The following EPHA6 variants were observed in gnomAD, a reference collection of about 807,000 sequenced individuals.
EPHA6 encodes EPH receptor A6, also known as ephrin type-A receptor 6.
A neutral mutation model predicts 112.0 loss-of-function variants in EPHA6; 50 were observed. The observed-to-expected ratio is 0.45, with a 90% confidence interval of 0.36 to 0.56. The LOEUF (loss-of-function observed/expected upper bound fraction) is 0.56, where lower values mean the gene tolerates loss of function less well. Ranked by LOEUF, EPHA6 falls within the 20% of genes least tolerant of loss-of-function variation. The pLI, the probability that EPHA6 is intolerant of heterozygous loss-of-function variation, is 0.00. For missense variants in EPHA6, 1,280 were observed against 1,417.4 expected, an observed-to-expected ratio of 0.90 and a Z score of 1.56; for synonymous variants, 529 against 490.7, an observed-to-expected ratio of 1.08 and a Z score of -1.03.
chr3:97,345,715 T>C (rs1472866177), intron 5 of EPHA6, among the ~76,000 whole-genome samples: 1 of 152,150 alleles, frequency 6.6e-6, no homozygotes, highest in Non-Finnish European at 1.5e-5. Flanking sequence ...AACATGTATA[T>C]ATATATGTAA....
intron 1 of EPHA6, among the ~76,000 whole-genome samples, chr3:96,849,692 G>A (rs1462425976): frequency 1.3e-5 from 2 of 152,034 alleles, no homozygotes; most frequent in Non-Finnish European, 2.9e-5. Flanking sequence ...TAGGAACTTG[G>A]GCTTTAAGGC....
intron 3 of EPHA6, among the ~76,000 whole-genome samples, chr3:97,070,955 A>G (rs1394132467): frequency 6.6e-6 from 1 of 152,146 alleles, no homozygotes; most frequent in African/African-American, 2.4e-5. Context: ...TTTGCCATTT[A>G]TTCATAGAAT....
intron 3 of EPHA6, among the ~76,000 whole-genome samples, chr3:97,114,405 T>A (rs1159682255): frequency 6.6e-6 from 1 of 152,086 alleles, no homozygotes; most frequent in Non-Finnish European, 1.5e-5. Context: ...TTGGTTAAGT[T>A]ATACATTAGC....
At chr3:97,347,198 A>G (rs981887731) in intron 5 of EPHA6, among the ~76,000 whole-genome samples, 2 of 152,102 alleles carry the variant, frequency 1.3e-5, no homozygotes, top group Non-Finnish European at 2.9e-5. Context: ...TTGTTTCTCC[A>G]TCTTCAGATA....
intron 5 of EPHA6, among the ~76,000 whole-genome samples, chr3:97,278,017 G>A (rs567449489): frequency 4.6e-5 from 7 of 152,280 alleles, no homozygotes; most frequent in South Asian, 4.1e-4. Context: ...GCTGTCTATC[G>A]TTGACCGAAA....
At chr3:97,326,367 C>G (rs1475632184) in intron 5 of EPHA6, among the ~76,000 whole-genome samples, 3 of 151,320 alleles carry the variant, frequency 2.0e-5, no homozygotes, top group African/African-American at 7.3e-5. Flanking sequence ...AATCAGCTAC[C>G]CTTTATTCTT....
At chr3:97,724,308 T>C (rs114759356) in intron 15 of EPHA6, among the ~76,000 whole-genome samples, 39 of 152,236 alleles carry the variant, frequency 2.6e-4, no homozygotes, top group Non-Finnish European at 4.7e-4. Context: ...TCAGTGGTAT[T>C]ATACTTTAGG....
Position 97,234,848 on chromosome 3 carries a change from G to C in EPHA6, c.1270+8429G>C, listed in dbSNP as rs1047359018. 2.6e-4 allele frequency among the ~76,000 whole-genome samples: 39 copies of C among 152,082 alleles called. 1 individual carries two copies. The highest frequency in any genetic ancestry group is 7.0e-4 in the African/African-American group (29 of 41,500). The stretch of plus-strand genomic sequence containing the variant: ...CCATATCTCAGTCTTCTCTCCTGAG[G>C]TGCAAAGTCTTCTAGACAACTGATT... On this transcript the variant is annotated intron_variant, in intron 4 of 17. Coordinates refer to ENST00000389672, the MANE Select transcript of EPHA6 (RefSeq NM_001080448.3).
chr3:96,933,553 G>C (rs113586481), intron 2 of EPHA6, among the ~76,000 whole-genome samples: 1,534 of 152,218 alleles, frequency 0.01, 26 homozygotes, highest in African/African-American at 0.035. Flanking sequence ...TTCTACAAGT[G>C]AAATTAGTTA....
At chr3:97,512,722 AC>A (rs1037841395) in intron 10 of EPHA6, among the ~76,000 whole-genome samples, 2 of 151,808 alleles carry the variant, frequency 1.3e-5, no homozygotes, top group Non-Finnish European at 1.5e-5. Flanking sequence ...GCACCACCAC[AC>A]CCGGCTAATT....
chr3:97,427,052 G>A (rs917651771), intron 6 of EPHA6, among the ~76,000 whole-genome samples: 5 of 152,114 alleles, frequency 3.3e-5, no homozygotes, highest in East Asian at 1.9e-4. Flanking sequence ...AGATACTAGC[G>A]AGGTTGCAGA....
chr3:97,464,229 G>A (rs542064229), intron 7 of EPHA6, among the ~76,000 whole-genome samples: 32 of 152,150 alleles, frequency 2.1e-4, no homozygotes, highest in South Asian at 6.2e-4. Context: ...GGTCTCTGTC[G>A]GTAATCCAAT....
intron 10 of EPHA6, among the ~76,000 whole-genome samples, chr3:97,486,636 A>C (rs1400804124): frequency 4.6e-5 from 7 of 152,068 alleles, no homozygotes; most frequent in Admixed American, 4.6e-4. Context: ...TAATCCAGTC[A>C]TGAGGGCTGA....
chr3:97,324,128 TTTCCTATGATTGCTTC>T (rs1426315613), intron 5 of EPHA6, among the ~76,000 whole-genome samples: 1 of 152,048 alleles, frequency 6.6e-6, no homozygotes, highest in Non-Finnish European at 1.5e-5. Context: ...ACCCTTCACT[TTTCCTATGATTGCTTC>T]TTCCTTTTAT....
intron 4 of EPHA6, 143 bp from the exon 5 acceptor site, chr3:97,243,809 A>G: frequency 1.6e-6 from 1 of 619,486 alleles, no homozygotes; most frequent in Non-Finnish European, 2.7e-6. Context: ...TATTTTAACC[A>G]TGTGATCATT....
intron 3 of EPHA6, among the ~76,000 whole-genome samples, chr3:97,138,317 T>C (rs2075814055): frequency 1.3e-5 from 2 of 152,150 alleles, no homozygotes; most frequent in South Asian, 2.1e-4. Context: ...CCCCCAAGGC[T>C]CTGCATCCTG....
intron 3 of EPHA6, among the ~76,000 whole-genome samples, chr3:97,007,960 T>A (rs1254491653): frequency 6.6e-6 from 1 of 152,250 alleles, no homozygotes; most frequent in Non-Finnish European, 1.5e-5. Context: ...GTAGGGTTTC[T>A]GCTGAGAAGT....
chr3:97,156,413 A>G (rs1369796054), intron 3 of EPHA6, among the ~76,000 whole-genome samples: 2 of 152,188 alleles, frequency 1.3e-5, no homozygotes, highest in African/African-American at 4.8e-5. Context: ...GCAGATTAAT[A>G]TGAATGTGCT....
intron 2 of EPHA6, among the ~76,000 whole-genome samples, chr3:96,983,560 T>C (rs1339637940): frequency 6.6e-6 from 1 of 152,216 alleles, no homozygotes; most frequent in Non-Finnish European, 1.5e-5. Context: ...GGAATATCTT[T>C]GTGGCATTCT....
Sources: gnomAD v4.1 joint callset for allele counts (sites outside exome capture counted in the v4.1 genomes callset) on GRCh38, gnomAD v4.1.1 for gene constraint, MANE v1.5 for transcripts, NCBI Gene and HGNC (gene_info 2026-07-23, HGNC 2026-07-21) for gene names.